PCDHGA4: variants seen among roughly 807,000 people sequenced by gnomAD.
PCDHGA4 encodes protocadherin gamma subfamily A, 4, also known as protocadherin gamma-A4.
In PCDHGA4, 38 loss-of-function variants were observed where a neutral mutation model predicts 54.6. The ratio of observed to expected loss-of-function variants is 0.70; its 90% CI spans 0.54 to 0.91. The LOEUF (loss-of-function observed/expected upper bound fraction) is 0.91. Among genes scored for constraint, PCDHGA4 ranks in the 40% least tolerant of loss-of-function variants. The probability of loss-of-function intolerance (pLI) is 0.00; values close to 1 mark genes in which losing one functional copy is unlikely to be tolerated. For synonymous variants in PCDHGA4, 511 were observed against 512.9 expected (o/e 1.00, Z 0.05); for missense variants, 1,298 against 1,220.9 (o/e 1.06, Z -0.94).
At chr5:141,475,448 G>C (rs774710049) in intron 1 of PCDHGA4, among the ~76,000 whole-genome samples, 1 of 152,214 alleles carries the variant, frequency 6.6e-6, no homozygotes, top group African/African-American at 2.4e-5. Context: ...CAGATAATGA[G>C]GAAGTGACAG....
At chr5:141,370,427 A>G (rs372276982) in intron 1 of PCDHGA4, 205 of 1,590,086 alleles carry the variant, frequency 1.3e-4, no homozygotes, top group Non-Finnish European at 1.7e-4. Context: ...GGGGCCCAGC[A>G]GGGCAGAGGC....
intron 1 of PCDHGA4, chr5:141,420,410 A>G (rs2096494809): frequency 2.4e-6 from 3 of 1,236,296 alleles, no homozygotes; most frequent in South Asian, 4.4e-5. Flanking sequence ...TATGGTTATC[A>G]TTATTAAAAC....
chr5:141,357,622 G>C lies in PCDHGA4; in HGVS notation c.2514+1G>C. The C allele has an allele frequency of 3.1e-6, 5 of 1,613,672 alleles. No individual in the cohort carries two copies. The highest frequency in any genetic ancestry group is 4.2e-6 in the Non-Finnish European group (5 of 1,179,744). On this transcript the variant is annotated splice_donor_variant, in intron 1 of 3. Coordinates refer to ENST00000571252, the MANE Select transcript of PCDHGA4 (RefSeq NM_018917.4). LOFTEE classifies it high-confidence loss of function. The stretch of plus-strand genomic sequence containing the variant: ...AACAAAAGGAGACCCTAATCTTCAG[G>C]TGAGTCAATCTTATAATAGATCATA...
chr5:141,376,273 T>C (rs765392169), intron 1 of PCDHGA4: 25 of 1,613,968 alleles, frequency 1.5e-5, no homozygotes, highest in Non-Finnish European at 1.9e-5. Context: ...CTTCGGGAGG[T>C]GGCTTAGCGA....
intron 1 of PCDHGA4, chr5:141,388,753 T>C: frequency 6.2e-7 from 1 of 1,613,986 alleles, no homozygotes; most frequent in Non-Finnish European, 8.5e-7. Flanking sequence ...ATCACCCAAT[T>C]TGACCTGAAC....
Position 141,370,976 on chromosome 5 carries a change from A to G in PCDHGA4, c.2514+13355A>G, listed in dbSNP as rs985937700. ...TGGATGGCAGTAGGTACCCAGAGCT[A>G]GTACTGAAAGCACCCCTGGACAGGG... On this transcript the variant is annotated intron_variant, in intron 1 of 3. Coordinates refer to ENST00000571252, the MANE Select transcript of PCDHGA4 (RefSeq NM_018917.4). The G allele has an allele frequency of 5.0e-6, 8 of 1,613,914 alleles. No homozygotes were observed. The Admixed American group carries it at 1.0e-4, about 20-fold the overall frequency.
chr5:141,404,594 T>C (rs778412256), intron 1 of PCDHGA4: 6 of 1,614,050 alleles, frequency 3.7e-6, no homozygotes, highest in South Asian at 1.1e-5. Flanking sequence ...CAATGTGTCA[T>C]TGAGACTGTT....
intron 1 of PCDHGA4, among the ~76,000 whole-genome samples, chr5:141,467,789 G>A (rs1264350552): frequency 6.6e-6 from 1 of 152,066 alleles, no homozygotes; most frequent in Non-Finnish European, 1.5e-5. Context: ...CTCTCAAGTA[G>A]CTGGGACTAC....
chr5:141,405,319 GC>G, intron 1 of PCDHGA4: 1 of 1,614,176 alleles, frequency 6.2e-7, no homozygotes, highest in Non-Finnish European at 8.5e-7. Context: ...AGAAAAATGA[GC>G]CTTTGTGCGT....
At chr5:141,414,949 G>C (rs774769957) in intron 1 of PCDHGA4, 13 of 1,613,978 alleles carry the variant, frequency 8.1e-6, no homozygotes, top group African/African-American at 1.3e-5. Context: ...CGGCTACCTG[G>C]TGACCAAGGT....
intron 2 of PCDHGA4, among the ~76,000 whole-genome samples, chr5:141,498,309 G>A (rs2099783046): frequency 6.6e-6 from 1 of 151,844 alleles, no homozygotes; most frequent in Non-Finnish European, 1.5e-5. Flanking sequence ...GGGTCACACT[G>A]CCTACACAGA....
chr5:141,483,445 C>T (rs1332037230), intron 1 of PCDHGA4, among the ~76,000 whole-genome samples: 1 of 152,106 alleles, frequency 6.6e-6, no homozygotes, highest in Admixed American at 6.5e-5. Context: ...ACAATAAAAT[C>T]ATCAGGACTT....
chr5:141,472,079 G>T (rs2099271048), intron 1 of PCDHGA4, among the ~76,000 whole-genome samples: 1 of 152,124 alleles, frequency 6.6e-6, no homozygotes, highest in African/African-American at 2.4e-5. Flanking sequence ...TTATATCAAT[G>T]AGTACTATTA....
chr5:141,400,462 G>T lies in PCDHGA4; in HGVS notation c.2514+42841G>T, dbSNP rs141917215. 2.3e-4 allele frequency: 379 copies of T among 1,614,062 alleles called. 2 individuals carry two copies. The African/African-American group carries it at 4.7e-3, about 20-fold the overall frequency. The stretch of plus-strand genomic sequence containing the variant: ...TTCAGGACAAGACATACTTTGTGGT[G>T]ATTCATCTGGGGCCTTATTTCCACT... On this transcript the variant is annotated intron_variant, in intron 1 of 3. Transcript: ENST00000571252.
chr5:141,456,550 C>T (rs1017343381), intron 1 of PCDHGA4, among the ~76,000 whole-genome samples: 2 of 152,166 alleles, frequency 1.3e-5, no homozygotes, highest in African/African-American at 4.8e-5. Context: ...TGTAGCCACT[C>T]GGGGCTGAAG....
intron 1 of PCDHGA4, among the ~76,000 whole-genome samples, chr5:141,458,821 C>T (rs1220034390): frequency 6.6e-6 from 1 of 152,146 alleles, no homozygotes; most frequent in Non-Finnish European, 1.5e-5. Flanking sequence ...CAACCTCTGC[C>T]TCCCAGGCTC....
At chr5:141,461,409 A>G (rs572412049) in intron 1 of PCDHGA4, among the ~76,000 whole-genome samples, 1 of 151,928 alleles carries the variant, frequency 6.6e-6, no homozygotes, top group East Asian at 1.9e-4. Flanking sequence ...GCATTTTTTC[A>G]TATGTTTGTG....
intron 1 of PCDHGA4, chr5:141,421,143 A>T (rs2096549098): frequency 3.1e-6 from 3 of 964,414 alleles, no homozygotes; most frequent in Non-Finnish European, 4.5e-6. Flanking sequence ...TTTTGGATGT[A>T]GTCGGCCTAG....
intron 1 of PCDHGA4, among the ~76,000 whole-genome samples, chr5:141,473,329 G>A (rs2099319416): frequency 6.6e-6 from 1 of 152,212 alleles, no homozygotes; most frequent in Non-Finnish European, 1.5e-5. Context: ...TTAAGTGCCT[G>A]CTGTGCTAGA....
Sources: allele counts gnomAD v4.1 joint callset (sites outside exome capture counted in the v4.1 genomes callset), GRCh38; gene constraint gnomAD v4.1.1; transcripts MANE v1.5; gene names NCBI Gene and HGNC (gene_info 2026-07-23, HGNC 2026-07-21).